The following GLYATL1 variants were observed in gnomAD, a reference collection of about 807,000 sequenced individuals.
GLYATL1 encodes the protein glycine N-acyltransferase-like protein 1.
GLYATL1 carries 15 observed loss-of-function variants against 20.0 expected under a neutral mutation model. The ratio of observed to expected loss-of-function variants is 0.75; its 90% CI spans 0.50 to 1.15. The LOEUF (loss-of-function observed/expected upper bound fraction) is 1.15. GLYATL1 is among the 50% of genes most tolerant of loss of function. The pLI is 0.00. For missense variants in GLYATL1, 380 were observed against 368.5 expected (o/e 1.03, Z -0.26); for synonymous variants, 151 against 131.5 (o/e 1.15, Z -1.01).
At chr11:58,909,891 T>A (rs1854997368), downstream of GLYATL1, among the ~76,000 whole-genome samples, 1 of 152,226 alleles carries the variant, frequency 6.6e-6, no homozygotes, top group South Asian at 2.1e-4. Context: ...TACAATTTCT[T>A]CAACGGCTTG....
chr11:58,955,777 G>A lies in GLYATL1; in HGVS notation c.659G>A (p.Trp220Ter). Residue 220 changes from tryptophan (W) to a stop codon, truncating the protein, a stop_gained, in exon 7 of 7, where the codon TGG becomes TAG. Transcript: ENST00000532726. LOFTEE classifies it low-confidence loss of function (END_TRUNC). The part of the protein sequence containing the change: ...MLGPEGVPVS[W>*]VTMDPSCEVG... ...GGCCCAGAGGGAGTCCCGGTCTCAT[G>A]GGTAACCATGGACCCTTCTTGTGAA... 2 of 1,614,188 alleles carry A rather than the reference G, an allele frequency of 1.2e-6. No homozygotes were observed. The highest frequency in any genetic ancestry group is 1.7e-6 in the Non-Finnish European group (2 of 1,180,018).
chr11:58,931,406 G>A (rs1271979847), intron 1 of GLYATL1, among the ~76,000 whole-genome samples: 1 of 152,174 alleles, frequency 6.6e-6, no homozygotes, highest in Non-Finnish European at 1.5e-5. Flanking sequence ...ACTATAACAT[G>A]TGAATTATGA....
chr11:58,955,355 T>G lies in GLYATL1; in HGVS notation c.491+2T>G, dbSNP rs1355489412. On this transcript the variant is annotated splice_donor_variant, in intron 6 of 6. Transcript: ENST00000532726. LOFTEE classifies it high-confidence loss of function. Reference sequence around the variant, plus strand: ...CCACCCAGATGATGAATTTGAAAGGTACAAAAACATGTGCTGATCATTTAT... The same window carrying G: ...CCACCCAGATGATGAATTTGAAAGGGACAAAAACATGTGCTGATCATTTAT... 6.2e-7 allele frequency: 1 copy of G among 1,610,100 alleles called. No individual in the cohort carries two copies. Among genetic ancestry groups the G allele is most frequent in the Non-Finnish European group, 8.5e-7 (1 of 1,178,390 alleles).
At chr11:58,912,404 T>A (rs911332263), downstream of GLYATL1, among the ~76,000 whole-genome samples, 3 of 152,220 alleles carry the variant, frequency 2.0e-5, no homozygotes, top group African/African-American at 7.2e-5. Context: ...TCTGGGTCTC[T>A]GGAGTGTGTC....
At chr11:58,934,142 T>A (rs1420472338) in intron 1 of GLYATL1, 2 of 152,954 alleles carry the variant, frequency 1.3e-5, no homozygotes, top group Non-Finnish European at 2.9e-5. Flanking sequence ...GGCATCTGAG[T>A]CCATGGGGAC....
At chr11:58,925,060 G>GT (rs1474937687), upstream of GLYATL1, among the ~76,000 whole-genome samples, 6 of 152,180 alleles carry the variant, frequency 3.9e-5, no homozygotes, top group African/African-American at 1.4e-4. Context: ...GGTCCTTAGG[G>GT]TTTTTCCTAG....
chr11:58,924,867 T>C (rs1254715413), upstream of GLYATL1, among the ~76,000 whole-genome samples: 1 of 152,188 alleles, frequency 6.6e-6, no homozygotes, highest in Non-Finnish European at 1.5e-5. Flanking sequence ...GGAGTATTTG[T>C]TTAAGTAAAA....
intron 1 of GLYATL1, among the ~76,000 whole-genome samples, chr11:58,932,600 A>C (rs917784086): frequency 6.6e-6 from 1 of 152,248 alleles, no homozygotes; most frequent in Non-Finnish European, 1.5e-5. Flanking sequence ...GAATGTGCAT[A>C]AGCAGTTGAT....
chr11:58,906,232 C>T (rs1054062508), intron 1 of GLYATL1, among the ~76,000 whole-genome samples: 1 of 152,004 alleles, frequency 6.6e-6, no homozygotes, highest in Non-Finnish European at 1.5e-5. Flanking sequence ...GGGCCCCGCC[C>T]GTTGTGGTAA....
chr11:58,949,560 C>T (rs539893525), intron 4 of GLYATL1, among the ~76,000 whole-genome samples: 6 of 152,200 alleles, frequency 3.9e-5, no homozygotes, highest in East Asian at 3.9e-4. Flanking sequence ...ATTTTAGCAA[C>T]GTAACTATAG....
At chr11:58,951,526 C>T (rs1856993913) in intron 4 of GLYATL1, among the ~76,000 whole-genome samples, 1 of 152,072 alleles carries the variant, frequency 6.6e-6, no homozygotes, top group African/African-American at 2.4e-5. Flanking sequence ...TCTTCCAGTT[C>T]CCCACCAACT....
chr11:58,912,769 T>C (rs1855081502), downstream of GLYATL1, among the ~76,000 whole-genome samples: 1 of 152,232 alleles, frequency 6.6e-6, no homozygotes, highest in African/African-American at 2.4e-5. Flanking sequence ...GCAAACTTTA[T>C]TGACCAGCTC....
chr11:58,917,450 C>T (rs745582469), intron 1 of GLYATL1, among the ~76,000 whole-genome samples: 15 of 152,178 alleles, frequency 9.9e-5, no homozygotes, highest in Non-Finnish European at 1.8e-4. Context: ...AATAAGTTTA[C>T]GGTGGCAAAA....
At position 58,947,163 on chromosome 11, in the gene GLYATL1, A is replaced by T; in HGVS notation, c.76A>T (p.Lys26Ter). The change falls in exon 3 of 7, where the codon AAG becomes TAG. Residue 26 changes from lysine (K) to a stop codon, truncating the protein, a stop_gained and splice_region_variant. Coordinates refer to ENST00000532726, the MANE Select transcript of GLYATL1 (RefSeq NM_001389712.2). LOFTEE classifies it high-confidence loss of function. ...GGCCAGGAGCATCCCTGAGTCCCTG[A>T]AGGTCAGGGAACAGTGGGAGGTCAG... ...SLARSIPESL[K>*]VYGSVYHINH... 5 of 1,613,646 alleles carry T rather than the reference A, an allele frequency of 3.1e-6. No homozygotes were observed. Among genetic ancestry groups the T allele is most frequent in the Non-Finnish European group, 4.2e-6 (5 of 1,179,712 alleles).
upstream of GLYATL1, among the ~76,000 whole-genome samples, chr11:58,936,509 A>C (rs1033642897): frequency 6.6e-6 from 1 of 152,236 alleles, no homozygotes; most frequent in African/African-American, 2.4e-5. Flanking sequence ...TTTTGGTCAC[A>C]AAGGATGAAG....
chr11:58,936,098 C>T (rs937884270), upstream of GLYATL1, among the ~76,000 whole-genome samples: 9 of 152,014 alleles, frequency 5.9e-5, no homozygotes, highest in Non-Finnish European at 1.2e-4. Context: ...CTAGAAAAGA[C>T]AAAAATGCAG....
downstream of GLYATL1, among the ~76,000 whole-genome samples, chr11:58,912,231 T>G (rs1217694522): frequency 1.3e-5 from 2 of 152,138 alleles, no homozygotes; most frequent in Admixed American, 6.5e-5. Flanking sequence ...CAATGTGACT[T>G]GTGCATTACT....
chr11:58,934,594 G>A (rs758795955), upstream of GLYATL1: 1 of 152,374 alleles, frequency 6.6e-6, no homozygotes. Context: ...TAGGGCTGTA[G>A]GAACTGGACT....
In GLYATL1 at chr11:58,955,703, G is replaced by A; in HGVS notation, c.585G>A (p.Leu195=). ...NWKRGKNERS[L]HYIKRCIEDL... is the part of the protein sequence containing the mutation. ...AGCGAGGGAAGAATGAGAGGAGCCT[G>A]CATTACATCAAGCGCTGCATAGAAG... The change falls in exon 7 of 7, where the codon CTG becomes CTA. Residue 195 remains leucine (L), a synonymous_variant. Transcript: ENST00000532726. 5 of 1,614,208 alleles carry A rather than the reference G, an allele frequency of 3.1e-6. No homozygotes were observed. The highest frequency in any genetic ancestry group is 4.2e-6 in the Non-Finnish European group (5 of 1,180,038).
Sources: gnomAD v4.1 joint callset for allele counts (sites outside exome capture counted in the v4.1 genomes callset) on GRCh38, gnomAD v4.1.1 for gene constraint, MANE v1.5 for transcripts, NCBI Gene and HGNC (gene_info 2026-07-23, HGNC 2026-07-21) for gene names.